The following TTLL10 variants were observed in gnomAD, a reference collection of about 807,000 sequenced individuals.
TTLL10 encodes the protein inactive polyglycylase TTLL10.
Under a neutral mutation model 69.0 loss-of-function variants are expected in TTLL10, and 61 were observed. The observed-to-expected ratio is 0.88, with a 90% CI of 0.72 to 1.09. TTLL10 has a LOEUF of 1.09. Among genes scored for constraint, TTLL10 ranks in the 50% least tolerant of loss-of-function variants. TTLL10 has a pLI of 0.00. For missense variants in TTLL10, 962 were observed against 945.9 expected (o/e 1.02, Z -0.22); for synonymous variants, 408 against 393.3 (o/e 1.04, Z -0.44).
intron 3 of TTLL10, among the ~76,000 whole-genome samples, chr1:1,177,373 A>G (rs577921541): frequency 4.2e-4 from 64 of 151,888 alleles, no homozygotes; most frequent in African/African-American, 1.3e-3. Flanking sequence ...GTGCAGTGGC[A>G]CGATCTCAGC....
rs559471336 is a variant in TTLL10, at chr1:1,182,277, C to T, written c.831-84C>T. 5.5e-5 allele frequency: 68 copies of T among 1,242,794 alleles called. No homozygotes were observed. In the East Asian group the frequency reaches 1.3e-3, roughly 24 times the overall value. The allele number at this position is 1,242,794 out of a possible 1,614,324, so 77.0% of individuals were successfully genotyped here. A position where few individuals can be genotyped will look rare whatever the true frequency, so the allele number is the denominator to read the frequency against. ...TGCCACTGCCCACACTCCCTCCCGC[C>T]GGGCCACAGGCTGGGCCTCAAACCG... On this transcript the variant is annotated intron_variant, in intron 9 of 15. Coordinates refer to ENST00000379289, the MANE Select transcript of TTLL10 (RefSeq NM_001130045.2).
chr1:1,197,394 C>A, intron 15 of TTLL10, 44 bp from the exon 16 acceptor site: 1 of 1,354,310 alleles, frequency 7.4e-7, no homozygotes. Context: ...CCTCCAGCCC[C>A]AGCCTCTGCC....
intron 13 of TTLL10, among the ~76,000 whole-genome samples, chr1:1,189,263 G>C (rs547567229): frequency 3.9e-5 from 6 of 152,352 alleles, no homozygotes; most frequent in Admixed American, 3.3e-4. Context: ...GCCCTCGTCA[G>C]GTTGAGGAAG....
chr1:1,197,903 C>A lies in TTLL10; in HGVS notation c.*56C>A. ...CCCGCGCCCCAGCCGTGCTGCCTGC[C>A]CTCAGGGACCTATAAAGCCCACTTT... On this transcript the variant is annotated 3_prime_UTR_variant, in exon 16 of 16. Transcript: ENST00000379289. 1 of 1,376,732 alleles carries A rather than the reference C, an allele frequency of 7.3e-7. No homozygotes were observed. Among genetic ancestry groups the A allele is most frequent in the Non-Finnish European group, 9.4e-7 (1 of 1,067,196 alleles). 85.3% of individuals were successfully genotyped at this position (1,376,732 alleles called of 1,614,324 possible). A position where few individuals can be genotyped will look rare whatever the true frequency, so the allele number is the denominator to read the frequency against.
rs1557493017 is a variant in TTLL10, at chr1:1,196,611, G to A, written c.1413G>A (p.Gln471=). ...WVFTTLKKRM[Q]QIMAHCFLAA... is the part of the protein sequence containing the mutation. Reference sequence around the variant, plus strand: ...CTGCCTCCCTGCAGAAGCGGATGCAGCAGATCATGGCCCACTGCTTTCTGG... The same window carrying A: ...CTGCCTCCCTGCAGAAGCGGATGCAACAGATCATGGCCCACTGCTTTCTGG... The change falls in exon 14 of 16, where the codon CAG becomes CAA. Residue 471 remains glutamine, a synonymous_variant. Transcript: ENST00000379289. 1 of 1,551,448 alleles carries A rather than the reference G, an allele frequency of 6.4e-7. No homozygotes were observed. The highest frequency in any genetic ancestry group is 2.4e-5 in the East Asian group (1 of 40,944).
At position 1,176,188 on chromosome 1, in the gene TTLL10, G is replaced by A. The variant is rs550253305; in HGVS notation, c.-28+1699G>A. The A allele has an allele frequency of 6.5e-4, 291 of 446,292 alleles. 1 individual carries two copies. Among genetic ancestry groups the A allele is most frequent in the African/African-American group, 5.6e-3 (265 of 47,096 alleles). 27.6% of individuals were successfully genotyped at this position (446,292 alleles called of 1,614,324 possible). ...GCTGTGCAGGTGGAGAGAGGCTGCC[G>A]CTGTGCCGGTGGAGAGGCTGCTGCT... On this transcript the variant is annotated intron_variant, in intron 3 of 15. Transcript: ENST00000379289.
rs1647069449 is a variant in TTLL10 at position 1,181,544 on chromosome 1, C to T, written c.756-197C>T. Among the ~76,000 whole-genome samples, 2 of 152,172 alleles carry T rather than the reference C, an allele frequency of 1.3e-5. No individual in the cohort carries two copies. Among genetic ancestry groups the T allele is most frequent in the Non-Finnish European group, 2.9e-5 (2 of 68,028 alleles). On this transcript the variant is annotated intron_variant, in intron 8 of 15. Coordinates refer to ENST00000379289, the MANE Select transcript of TTLL10 (RefSeq NM_001130045.2). This position sits in a 1 kb window ranked among gnomAD's most constrained non-coding sequence, Gnocchi z 4.6. ...CTGGTTGCCTGTGACACCAGCTTTA[C>T]ACCATGTCCAGCGTCCACTTCCAGC...
intron 12 of TTLL10, among the ~76,000 whole-genome samples, 156 bp downstream of exon 12, chr1:1,184,247 G>A (rs760996664): frequency 2.0e-5 from 3 of 152,230 alleles, no homozygotes; most frequent in East Asian, 1.9e-4. Context: ...GGCTGCCCCC[G>A]CTGGCAGTGA....
In TTLL10 at chr1:1,185,028, G is replaced by A. The variant is rs1053118103; in HGVS notation, c.1320G>A (p.Met440Ile). ...MLLKEHTVWSMEHLNRYISDT... is the reference protein window; with the variant it reads ...MLLKEHTVWSIEHLNRYISDT... ...TGAAGGAGCACACGGTGTGGAGCATGGAACACCTCAACCGCTACATCAGTG... is the reference window on the plus strand; with the variant it reads ...TGAAGGAGCACACGGTGTGGAGCATAGAACACCTCAACCGCTACATCAGTG... Residue 440 changes from methionine (M) to isoleucine (I), a missense_variant, in exon 13 of 16, where the codon ATG (methionine) becomes ATA (isoleucine). Physicochemically the swap from Met to Ile is conservative, Grantham distance 10. Transcript: ENST00000379289. This position sits in a 1 kb window ranked among gnomAD's most constrained non-coding sequence, Gnocchi z 6.1. The A allele has an allele frequency of 2.5e-6, 4 of 1,613,908 alleles. No individual in the cohort carries two copies. The highest frequency in any genetic ancestry group is 3.4e-6 in the Non-Finnish European group (4 of 1,179,998).
At chr1:1,194,212 T>C (rs1333728199) in intron 13 of TTLL10, among the ~76,000 whole-genome samples, 1 of 152,208 alleles carries the variant, frequency 6.6e-6, no homozygotes, top group South Asian at 2.1e-4. Flanking sequence ...ACCAAGTTAA[T>C]TTCAAAAGCA....
intron 13 of TTLL10, among the ~76,000 whole-genome samples, chr1:1,188,685 G>T (rs531403321): frequency 1.3e-3 from 196 of 152,268 alleles, no homozygotes; most frequent in African/African-American, 4.6e-3. Flanking sequence ...GATTACAGGT[G>T]TGAGCCACCA....
At chr1:1,176,446 T>C (rs1337142594) in intron 3 of TTLL10, 1 of 453,862 alleles carries the variant, frequency 2.2e-6, no homozygotes, top group Admixed American at 2.3e-5. Context: ...CTGCTGCATC[T>C]TTTCCCTGAC....
At position 1,181,642 on chromosome 1, in the gene TTLL10, C is replaced by A; in HGVS notation, c.756-99C>A. The A allele has an allele frequency of 1.8e-6, 2 of 1,108,884 alleles. No homozygotes were observed. The highest frequency in any genetic ancestry group is 1.5e-5 in the South Asian group (1 of 66,162). 68.7% of individuals were successfully genotyped at this position (1,108,884 alleles called of 1,614,324 possible). ...ACCTCCTTCCACCACAACTCACAGT[C>A]CGCCCACTCACCACCCATGCCCCAT... is the stretch of plus-strand genomic sequence containing the variant. On this transcript the variant is annotated intron_variant, in intron 8 of 15. Transcript: ENST00000379289. The surrounding 1 kb of genome is among the most constrained non-coding windows in gnomAD (Gnocchi z 4.6).
Position 1,197,907 on chromosome 1 carries a change from A to C in TTLL10, c.*60A>C. ...CGCCCCAGCCGTGCTGCCTGCCCTC[A>C]GGGACCTATAAAGCCCACTTTGCTA... On this transcript the variant is annotated 3_prime_UTR_variant, in exon 16 of 16. Transcript: ENST00000379289. 7.3e-7 allele frequency: 1 copy of C among 1,375,200 alleles called. No homozygotes were observed. The highest frequency in any genetic ancestry group is 1.7e-5 in the South Asian group (1 of 59,678). The allele number at this position is 1,375,200 out of a possible 1,614,324, so 85.2% of individuals were successfully genotyped here.
chr1:1,180,733 G>C lies in TTLL10; in HGVS notation c.628G>C (p.Glu210Gln). The change falls in exon 8 of 16, where the codon GAG becomes CAG. Residue 210 changes from glutamate (E) to glutamine (Q), a missense_variant and splice_region_variant. Coordinates refer to ENST00000379289, the MANE Select transcript of TTLL10 (RefSeq NM_001130045.2). ...RDSYGSFREG[E>Q]QLLYQLPNNK... Reference sequence around the variant, plus strand: ...GAGCCCTGGCCTCTGACCTCCAGGAGAGCAGCTGCTGTACCAGCTTCCCAA... The same window carrying C: ...GAGCCCTGGCCTCTGACCTCCAGGACAGCAGCTGCTGTACCAGCTTCCCAA... 6.2e-7 allele frequency: 1 copy of C among 1,605,156 alleles called. No homozygotes were observed. Among genetic ancestry groups the C allele is most frequent in the Non-Finnish European group, 8.5e-7 (1 of 1,176,396 alleles).
chr1:1,197,562 G>A lies in TTLL10; in HGVS notation c.1737G>A (p.Ser579=), dbSNP rs566976676. Residue 579 remains serine, a synonymous_variant, in exon 16 of 16, where the codon TCG becomes TCA. Transcript: ENST00000379289. Reference sequence around the variant, plus strand: ...ACCCGCGGCCGCACCTGGGGGGCTCGTGCAGCCTCCGCCGCTGGCCGCCCC... The same window carrying A: ...ACCCGCGGCCGCACCTGGGGGGCTCATGCAGCCTCCGCCGCTGGCCGCCCC... The part of the protein sequence containing the change: ...EADPRPHLGG[S]CSLRRWPPLP... The A allele has an allele frequency of 1.5e-5, 22 of 1,517,152 alleles. 1 individual carries two copies. Among genetic ancestry groups the A allele is most frequent in the Middle Eastern group, 1.8e-4 (1 of 5,582 alleles). 94.0% of individuals were successfully genotyped at this position (1,517,152 alleles called of 1,614,324 possible). A position where few individuals can be genotyped will look rare whatever the true frequency, so the allele number is the denominator to read the frequency against.
Position 1,185,137 on chromosome 1 carries a change from G to A in TTLL10, c.1401+28G>A, listed in dbSNP as rs758014804. The A allele has an allele frequency of 2.5e-6, 4 of 1,604,792 alleles. No individual in the cohort carries two copies. The highest frequency in any genetic ancestry group is 2.2e-5 in the South Asian group (2 of 90,826). The stretch of plus-strand genomic sequence containing the variant: ...GCGTCCACTGTGCCCTCCAGTCTGG[G>A]AGTGAGATCCCTCGGGGCGGGGGTG... On this transcript the variant is annotated intron_variant, in intron 13 of 15. Coordinates refer to ENST00000379289, the MANE Select transcript of TTLL10 (RefSeq NM_001130045.2). The surrounding 1 kb of genome is among the most constrained non-coding windows in gnomAD (Gnocchi z 6.1).
intron 13 of TTLL10, 73 bp from the exon 14 acceptor site, chr1:1,196,527 T>C (rs1557492929): frequency 8.9e-7 from 1 of 1,123,936 alleles, no homozygotes; most frequent in Non-Finnish European, 1.3e-6. Flanking sequence ...GGGATGTGGC[T>C]GTGGCTGTTC....
In TTLL10 at chr1:1,181,605, G is replaced by A. The variant is rs368543749; in HGVS notation, c.756-136G>A. Reference sequence around the variant, plus strand: ...ACAGCTGTTTCCCCCAGGCACCGCCGTCCACCCAGCCACCTCCTTCCACCA... The same window carrying A: ...ACAGCTGTTTCCCCCAGGCACCGCCATCCACCCAGCCACCTCCTTCCACCA... On this transcript the variant is annotated intron_variant, in intron 8 of 15. Coordinates refer to ENST00000379289, the MANE Select transcript of TTLL10 (RefSeq NM_001130045.2). This position sits in a 1 kb window ranked among gnomAD's most constrained non-coding sequence, Gnocchi z 4.6. 79 of 752,404 alleles carry A rather than the reference G, an allele frequency of 1.0e-4. 1 individual carries two copies. The Admixed American group carries it at 1.3e-3, about 13-fold the overall frequency. 46.6% of individuals were successfully genotyped at this position (752,404 alleles called of 1,614,324 possible). A position where few individuals can be genotyped will look rare whatever the true frequency, so the allele number is the denominator to read the frequency against.
Sources: allele counts gnomAD v4.1 joint callset (sites outside exome capture counted in the v4.1 genomes callset), GRCh38; gene constraint gnomAD v4.1.1; non-coding constraint Gnocchi (gnomAD v3.1); transcripts MANE v1.5; gene names NCBI Gene and HGNC (gene_info 2026-07-23, HGNC 2026-07-21).